The following RALGAPA2 variants were observed in gnomAD, a reference collection of about 807,000 sequenced individuals.
RALGAPA2 encodes ral GTPase-activating protein subunit alpha-2.
A neutral mutation model predicts 230.4 loss-of-function variants in RALGAPA2; 139 were observed. The ratio of observed to expected loss-of-function variants is 0.60; its 90% CI spans 0.53 to 0.69. The LOEUF (loss-of-function observed/expected upper bound fraction) is 0.69, where lower values mean the gene tolerates loss of function less well. Among genes scored for constraint, RALGAPA2 ranks in the 30% least tolerant of loss-of-function variants. RALGAPA2 has a pLI of 0.00. For missense variants in RALGAPA2, 2,163 were observed against 2,276.0 expected (o/e 0.95, Z 1.01); for synonymous variants, 847 against 837.8 (o/e 1.01, Z -0.19).
At chr20:20,660,334 G>A (rs770579470) in intron 3 of RALGAPA2, among the ~76,000 whole-genome samples, 7 of 151,820 alleles carry the variant, frequency 4.6e-5, no homozygotes, top group South Asian at 2.1e-4. Flanking sequence ...TATTTATATC[G>A]TGATGTTTAT....
chr20:20,494,561 T>C (rs1318567276), intron 36 of RALGAPA2, among the ~76,000 whole-genome samples: 1 of 152,236 alleles, frequency 6.6e-6, no homozygotes, highest in African/African-American at 2.4e-5. Flanking sequence ...TTGACATGGC[T>C]GAATTGATTC....
chr20:20,390,725 A>G lies in RALGAPA2; in HGVS notation c.*2564T>C, dbSNP rs1211107354. The G allele has an allele frequency of 6.7e-6, 1 of 149,588 alleles. No individual in the cohort carries two copies. The highest frequency in any genetic ancestry group is 1.5e-5 in the Non-Finnish European group (1 of 67,688). The allele number at this position is 149,588 out of a possible 1,614,324, so 9.3% of individuals were successfully genotyped here. A position where few individuals can be genotyped will look rare whatever the true frequency, so the allele number is the denominator to read the frequency against. ...ATAAAAAAGAAACTTGATCATTGCA[A>G]TTTTCCACCCCAGATAACAAAAACA... On this transcript the variant is annotated 3_prime_UTR_variant, in exon 40 of 40. Transcript: ENST00000202677.
chr20:20,453,439 A>G (rs538028024), intron 37 of RALGAPA2, among the ~76,000 whole-genome samples: 1 of 152,272 alleles, frequency 6.6e-6, no homozygotes, highest in South Asian at 2.1e-4. Context: ...GTGGACCCCA[A>G]TCTGATTACT....
At chr20:20,447,116 T>C (rs539995420) in intron 37 of RALGAPA2, among the ~76,000 whole-genome samples, 3 of 152,338 alleles carry the variant, frequency 2.0e-5, no homozygotes, top group African/African-American at 7.2e-5. Flanking sequence ...TAAAAGTGGT[T>C]TGAGTCTCTT....
chr20:20,450,279 C>T (rs2060958691), intron 37 of RALGAPA2, among the ~76,000 whole-genome samples: 1 of 152,176 alleles, frequency 6.6e-6, no homozygotes, highest in South Asian at 2.1e-4. Context: ...AATATTTAAA[C>T]TTAATATTTT....
At position 20,616,200 on chromosome 20, in the gene RALGAPA2, C is replaced by T; in HGVS notation, c.1540-9G>A. 2.7e-6 allele frequency: 4 copies of T among 1,494,574 alleles called. No individual in the cohort carries two copies. Among genetic ancestry groups the T allele is most frequent in the African/African-American group, 1.4e-5 (1 of 70,694 alleles). 92.6% of individuals were successfully genotyped at this position (1,494,574 alleles called of 1,614,324 possible). On this transcript the variant is annotated splice_polypyrimidine_tract_variant and intron_variant, in intron 12 of 39. Coordinates refer to ENST00000202677, the MANE Select transcript of RALGAPA2 (RefSeq NM_020343.4). ...GAGTTCGTCAAAAATACCTTAAAAT[C>T]AACAACTTTACATTAGAAAATATAA...
intron 3 of RALGAPA2, among the ~76,000 whole-genome samples, chr20:20,670,444 T>C (rs1335374572): frequency 6.6e-6 from 1 of 152,164 alleles, no homozygotes; most frequent in Non-Finnish European, 1.5e-5. Context: ...TCATAAAAAC[T>C]GGGAAGACCA....
chr20:20,498,609 AAC>A (rs1282767950), intron 35 of RALGAPA2, among the ~76,000 whole-genome samples: 2 of 152,198 alleles, frequency 1.3e-5, no homozygotes, highest in Non-Finnish European at 2.9e-5. Context: ...TTTACTAAGT[AAC>A]AGTCAGGCCT....
chr20:20,682,977 C>A (rs936145265), intron 1 of RALGAPA2, among the ~76,000 whole-genome samples: 1 of 152,174 alleles, frequency 6.6e-6, no homozygotes, highest in African/African-American at 2.4e-5. Context: ...GATTTCTCCA[C>A]GTGAGGGTCT....
intron 1 of RALGAPA2, among the ~76,000 whole-genome samples, chr20:20,695,412 T>C (rs1268345333): frequency 1.3e-5 from 2 of 152,224 alleles, no homozygotes; most frequent in Non-Finnish European, 2.9e-5. Context: ...GAGCAAATGT[T>C]TGACACTTTT....
intron 37 of RALGAPA2, among the ~76,000 whole-genome samples, chr20:20,412,936 G>A (rs986576739): frequency 3.9e-5 from 6 of 152,218 alleles, no homozygotes; most frequent in Admixed American, 6.5e-5. Context: ...CCTTTTGTGT[G>A]TGGCTTCTGT....
At chr20:20,528,475 C>T (rs989732987) in intron 27 of RALGAPA2, among the ~76,000 whole-genome samples, 1 of 152,136 alleles carries the variant, frequency 6.6e-6, no homozygotes, top group East Asian at 1.9e-4. Context: ...ATTCAATGGG[C>T]ATTCAGGAAG....
chr20:20,513,024 C>T lies in RALGAPA2; in HGVS notation c.4345G>A (p.Gly1449Arg). The T allele has an allele frequency of 1.9e-6, 3 of 1,613,534 alleles. No homozygotes were observed. The highest frequency in any genetic ancestry group is 1.7e-6 in the Non-Finnish European group (2 of 1,179,664). The change falls in exon 32 of 40, where the codon GGG becomes AGG. Residue 1449 changes from glycine to arginine, a missense_variant. Gly to Arg is a moderately radical substitution (Grantham distance 125). Coordinates refer to ENST00000202677, the MANE Select transcript of RALGAPA2 (RefSeq NM_020343.4). Reference sequence around the variant, plus strand: ...GAGAGAGAGCCCACTGGTGATCCCCCTACCGGTCCTTCTGTGGGTGTCTGA... The same window carrying T: ...GAGAGAGAGCCCACTGGTGATCCCCTTACCGGTCCTTCTGTGGGTGTCTGA... ...YLQTPTEGPV[G>R]GSPVGSLSDV...
intron 15 of RALGAPA2, 27 bp downstream of exon 15, chr20:20,605,148 G>A: frequency 6.5e-7 from 1 of 1,541,358 alleles, no homozygotes; most frequent in Non-Finnish European, 8.9e-7. Context: ...CTAGACATCT[G>A]GTGTTAACCT....
chr20:20,588,755 T>C (rs991701866), intron 18 of RALGAPA2, among the ~76,000 whole-genome samples: 4 of 152,206 alleles, frequency 2.6e-5, no homozygotes, highest in Admixed American at 6.5e-5. Context: ...GAATATATGC[T>C]ACATTTTAAA....
intron 37 of RALGAPA2, among the ~76,000 whole-genome samples, chr20:20,469,042 T>C (rs1378514328): frequency 6.6e-6 from 1 of 152,046 alleles, no homozygotes; most frequent in East Asian, 1.9e-4. Flanking sequence ...TGTGATAATA[T>C]GATGTGCTCT....
intron 2 of RALGAPA2, 47 bp downstream of exon 2, chr20:20,680,644 T>C: frequency 6.7e-7 from 1 of 1,490,852 alleles, no homozygotes; most frequent in Non-Finnish European, 8.9e-7. Context: ...ATACAACTTA[T>C]AAAAATGCCC....
At chr20:20,629,324 C>T (rs1346565168) in intron 10 of RALGAPA2, 39 bp downstream of exon 10, 2 of 603,912 alleles carry the variant, frequency 3.3e-6, no homozygotes, top group Admixed American at 1.0e-4. Context: ...ACTTGTAACA[C>T]ACACACACAC....
At chr20:20,414,764 G>A (rs1569376072) in intron 37 of RALGAPA2, among the ~76,000 whole-genome samples, 1 of 152,226 alleles carries the variant, frequency 6.6e-6, no homozygotes, top group Non-Finnish European at 1.5e-5. Context: ...GGATCCTGGA[G>A]GAGCAAGTGT....
Sources: gnomAD v4.1 joint callset for allele counts (sites outside exome capture counted in the v4.1 genomes callset) on GRCh38, gnomAD v4.1.1 for gene constraint, MANE v1.5 for transcripts, NCBI Gene and HGNC (gene_info 2026-07-23, HGNC 2026-07-21) for gene names.